The following PGR variants were observed in gnomAD, a reference collection of about 807,000 sequenced individuals.
PGR encodes nuclear receptor subfamily 3 group C member 3.
In PGR, 25 loss-of-function variants were observed where a neutral mutation model predicts 76.1. The ratio of observed to expected loss-of-function variants is 0.33; its 90% CI spans 0.24 to 0.46. The LOEUF (loss-of-function observed/expected upper bound fraction) is 0.46. Among genes scored for constraint, PGR ranks in the 20% least tolerant of loss-of-function variants. The pLI is 1.00. For synonymous variants in PGR, 579 were observed against 535.0 expected (o/e 1.08, Z -1.14); for missense variants, 1,172 against 1,225.3 (o/e 0.96, Z 0.65).
chr11:101,042,052 T>A lies in PGR; in HGVS notation c.2539A>T (p.Ser847Cys). 6.2e-7 allele frequency: 1 copy of A among 1,613,548 alleles called. No individual in the cohort carries two copies. The highest frequency in any genetic ancestry group is 8.5e-7 in the Non-Finnish European group (1 of 1,179,640). Residue 847 changes from serine to cysteine, a missense_variant, in exon 7 of 8, where the codon AGC (serine) becomes TGC (cysteine). Transcript: ENST00000325455. Reference sequence around the variant, plus strand: ...GCCTTGATGAGCTCTCTAATGTAGCTTGACCTCATCTCCTCAAACTGGGTT... The same window carrying A: ...GCCTTGATGAGCTCTCTAATGTAGCATGACCTCATCTCCTCAAACTGGGTT... The part of the protein sequence containing the change: ...SQTQFEEMRS[S>C]YIRELIKAIG...
intron 6 of PGR, among the ~76,000 whole-genome samples, chr11:101,045,646 T>C (rs621152): frequency 6.6e-6 from 1 of 151,436 alleles, no homozygotes; most frequent in African/African-American, 2.4e-5. Flanking sequence ...TCTTTTTGAT[T>C]GCTGAATACT....
intron 6 of PGR, among the ~76,000 whole-genome samples, chr11:101,046,292 ATT>A (rs540943297): frequency 2.3e-3 from 151 of 65,868 alleles, no homozygotes; most frequent in Non-Finnish European, 2.9e-3. Context: ...CGCCTGGCTA[ATT>A]TTTTTTTTTT....
intron 2 of PGR, among the ~76,000 whole-genome samples, chr11:101,113,594 A>C (rs1862412545): frequency 6.6e-6 from 1 of 152,128 alleles, no homozygotes; most frequent in African/African-American, 2.4e-5. Flanking sequence ...GTATCATACT[A>C]CTGAGACACT....
chr11:101,092,017 G>A (rs527449248), intron 2 of PGR, 141 bp from the exon 3 acceptor site: 46 of 677,368 alleles, frequency 6.8e-5, no homozygotes, highest in African/African-American at 6.0e-4. Flanking sequence ...ACAGCTGAAT[G>A]TTGGTGAAGC....
In PGR at chr11:101,037,057, C is replaced by T. The variant is rs1859538792; in HGVS notation, c.*2059G>A. 1 of 191,644 alleles carries T rather than the reference C, an allele frequency of 5.2e-6. No individual in the cohort carries two copies. Among genetic ancestry groups the T allele is most frequent in the Non-Finnish European group, 1.1e-5 (1 of 91,556 alleles). 11.9% of individuals were successfully genotyped at this position (191,644 alleles called of 1,614,324 possible). On this transcript the variant is annotated 3_prime_UTR_variant, in exon 8 of 8. Transcript: ENST00000325455. ...GTGTCACTCTCACAGAGGTAGATTT[C>T]CTGTAACTATTATATTTGGGAGATG...
intron 3 of PGR, among the ~76,000 whole-genome samples, chr11:101,065,734 G>A (rs921605638): frequency 2.0e-5 from 3 of 152,158 alleles, no homozygotes; most frequent in Admixed American, 2.0e-4. Flanking sequence ...ACAGGCATGG[G>A]AGCTTTGTTG....
chr11:101,117,271 G>C (rs1215408262), intron 2 of PGR, among the ~76,000 whole-genome samples: 2 of 152,096 alleles, frequency 1.3e-5, no homozygotes, highest in African/African-American at 4.8e-5. Flanking sequence ...TTATTAGTGA[G>C]TTGAGCCTTC....
Position 101,091,878 on chromosome 11 carries a change from T to TA in PGR, c.1790-3dup, listed in dbSNP as rs761514775. On this transcript the variant is annotated splice_polypyrimidine_tract_variant and splice_region_variant and intron_variant, in intron 2 of 7. Coordinates refer to ENST00000325455, the MANE Select transcript of PGR (RefSeq NM_000926.4). ...CAGCACATAAGTAGTTGTGCTGCCCTAAAAAAACAAAATGAGTCAAAATTA... is the reference window on the plus strand; with the variant it reads ...CAGCACATAAGTAGTTGTGCTGCCCTAAAAAAAACAAAATGAGTCAAAATTA... 3.2e-5 allele frequency: 48 copies of TA among 1,494,652 alleles called. No individual in the cohort carries two copies. Among genetic ancestry groups the TA allele is most frequent in the Non-Finnish European group, 4.2e-5 (45 of 1,071,812 alleles). The allele number at this position is 1,494,652 out of a possible 1,614,324, so 92.6% of individuals were successfully genotyped here. A position where few individuals can be genotyped will look rare whatever the true frequency, so the allele number is the denominator to read the frequency against.
chr11:101,087,667 G>A (rs1322011971), intron 3 of PGR, among the ~76,000 whole-genome samples: 4 of 151,784 alleles, frequency 2.6e-5, no homozygotes, highest in Non-Finnish European at 5.9e-5. Flanking sequence ...AGGAGAACAT[G>A]TTCACAAACT....
chr11:101,069,455 T>C (rs749871094), intron 3 of PGR, among the ~76,000 whole-genome samples: 46 of 152,178 alleles, frequency 3.0e-4, no homozygotes, highest in Non-Finnish European at 5.0e-4. Flanking sequence ...AGTGTGATGA[T>C]TCCTCAAAGA....
At chr11:101,111,602 G>A (rs1333154835) in intron 2 of PGR, among the ~76,000 whole-genome samples, 3 of 152,126 alleles carry the variant, frequency 2.0e-5, no homozygotes, top group Non-Finnish European at 2.9e-5. Flanking sequence ...TAGATATTTT[G>A]ACTTGGCTTA....
At chr11:101,096,521 C>G (rs1015573586) in intron 2 of PGR, among the ~76,000 whole-genome samples, 3 of 152,118 alleles carry the variant, frequency 2.0e-5, no homozygotes, top group African/African-American at 7.2e-5. Flanking sequence ...AATGCATGGC[C>G]AGGACTCAGA....
chr11:101,046,081 C>T (rs1305316099), intron 6 of PGR, among the ~76,000 whole-genome samples: 1 of 150,712 alleles, frequency 6.6e-6, no homozygotes, highest in Non-Finnish European at 1.5e-5. Context: ...ATAGTAAATC[C>T]CTTTACTAAG....
intron 2 of PGR, among the ~76,000 whole-genome samples, chr11:101,111,359 A>G (rs933938672): frequency 1.3e-5 from 2 of 152,190 alleles, no homozygotes; most frequent in African/African-American, 4.8e-5. Flanking sequence ...TTTTCTCAGC[A>G]TAAGACTGAA....
In PGR at chr11:101,054,576, C is replaced by G. The variant is rs538865992; in HGVS notation, c.2213-3008G>C. Among the ~76,000 whole-genome samples, 4 of 152,140 alleles carry G rather than the reference C, an allele frequency of 2.6e-5. No individual in the cohort carries two copies. In the South Asian group the frequency reaches 8.3e-4, roughly 32 times the overall value. On this transcript the variant is annotated intron_variant, in intron 4 of 7. Coordinates refer to ENST00000325455, the MANE Select transcript of PGR (RefSeq NM_000926.4). ...ATTGTCTTAATTTTTGAAAAGGAAG[C>G]CTTTCTAAAGGGAGGCACATATAAA...
At chr11:101,086,502 C>G (rs910622467) in intron 3 of PGR, among the ~76,000 whole-genome samples, 2 of 152,046 alleles carry the variant, frequency 1.3e-5, no homozygotes, top group African/African-American at 4.8e-5. Context: ...TGGGCAAAAG[C>G]TGGAAGAATT....
chr11:101,040,526 T>A (rs946697842), intron 7 of PGR, among the ~76,000 whole-genome samples: 1 of 152,094 alleles, frequency 6.6e-6, no homozygotes, highest in African/African-American at 2.4e-5. Context: ...TGGCTAGGTA[T>A]GAAATTCTTT....
At chr11:101,097,558 C>T (rs996853902) in intron 2 of PGR, among the ~76,000 whole-genome samples, 1 of 152,180 alleles carries the variant, frequency 6.6e-6, no homozygotes, top group Admixed American at 6.5e-5. Context: ...ACAATTATAC[C>T]TATTGTTTCG....
At chr11:101,047,036 G>A (rs924070140) in intron 6 of PGR, among the ~76,000 whole-genome samples, 1 of 152,118 alleles carries the variant, frequency 6.6e-6, no homozygotes. Flanking sequence ...TTTGTGGAAA[G>A]CGTAAGTACT....
Sources: allele counts gnomAD v4.1 joint callset (sites outside exome capture counted in the v4.1 genomes callset), GRCh38; gene constraint gnomAD v4.1.1; transcripts MANE v1.5; gene names NCBI Gene and HGNC (gene_info 2026-07-23, HGNC 2026-07-21).